The following GALNT10 variants were observed in gnomAD, a reference collection of about 807,000 sequenced individuals.
GALNT10 encodes the protein GalNAc transferase 10.
GALNT10 carries 41 observed loss-of-function variants against 75.0 expected under a neutral mutation model. The observed-to-expected ratio is 0.55, with a 90% CI of 0.43 to 0.71. The LOEUF (loss-of-function observed/expected upper bound fraction) is 0.71, where lower values mean the gene tolerates loss of function less well. Among genes scored for constraint, GALNT10 ranks in the 30% least tolerant of loss-of-function variants. The pLI is 0.00. For synonymous variants in GALNT10, 302 were observed against 313.0 expected, an observed-to-expected ratio of 0.96 and a Z score of 0.37; for missense variants, 727 against 818.5, an observed-to-expected ratio of 0.89 and a Z score of 1.36.
chr5:154,242,878 A>C (rs2113669118), intron 1 of GALNT10, among the ~76,000 whole-genome samples: 1 of 152,294 alleles, frequency 6.6e-6, no homozygotes, highest in Non-Finnish European at 1.5e-5. Context: ...TTGTCTAGTT[A>C]CTGTTTTCAG....
At chr5:154,344,953 A>G (rs1364278158) in intron 4 of GALNT10, among the ~76,000 whole-genome samples, 2 of 152,266 alleles carry the variant, frequency 1.3e-5, no homozygotes, top group East Asian at 3.9e-4. Context: ...TCCCCTCCAA[A>G]AATCAGGCCC....
At chr5:154,319,930 G>A (rs1754649356) in intron 3 of GALNT10, among the ~76,000 whole-genome samples, 1 of 152,212 alleles carries the variant, frequency 6.6e-6, no homozygotes, top group African/African-American at 2.4e-5. Context: ...GTGATCTGCA[G>A]CCTAATAAGA....
At chr5:154,196,123 G>A (rs769420764) in intron 1 of GALNT10, among the ~76,000 whole-genome samples, 3 of 152,050 alleles carry the variant, frequency 2.0e-5, no homozygotes, top group East Asian at 1.9e-4. Context: ...GGGTTTTTCC[G>A]TGTGGGTCAG....
At chr5:154,378,898 A>G (rs2113176024) in intron 5 of GALNT10, among the ~76,000 whole-genome samples, 1 of 152,174 alleles carries the variant, frequency 6.6e-6, no homozygotes, top group Middle Eastern at 3.4e-3. Flanking sequence ...ACGGCCATGA[A>G]CAATTAAATG....
intron 4 of GALNT10, among the ~76,000 whole-genome samples, chr5:154,361,673 A>G (rs1444646678): frequency 6.6e-6 from 1 of 152,268 alleles, no homozygotes; most frequent in Non-Finnish European, 1.5e-5. Flanking sequence ...AAAGAACGTG[A>G]AAGCCTTAAC....
chr5:154,244,170 T>C (rs997770967), intron 1 of GALNT10, among the ~76,000 whole-genome samples: 1 of 152,184 alleles, frequency 6.6e-6, no homozygotes, highest in Non-Finnish European at 1.5e-5. Context: ...CTGCTGGGAA[T>C]GGAGTGACCG....
chr5:154,241,849 A>C (rs1054254282), intron 1 of GALNT10, among the ~76,000 whole-genome samples: 5 of 152,230 alleles, frequency 3.3e-5, no homozygotes, highest in Non-Finnish European at 7.3e-5. Context: ...TTCCTCAGTA[A>C]AAATCCTGAG....
At chr5:154,254,509 T>C (rs2113019056) in intron 1 of GALNT10, among the ~76,000 whole-genome samples, 1 of 151,500 alleles carries the variant, frequency 6.6e-6, no homozygotes, top group Non-Finnish European at 1.5e-5. Flanking sequence ...TTATTTCTTT[T>C]CTTTTTTTTT....
intron 1 of GALNT10, among the ~76,000 whole-genome samples, chr5:154,253,656 C>T (rs999671844): frequency 1.4e-5 from 2 of 147,624 alleles, no homozygotes; most frequent in Admixed American, 6.7e-5. Context: ...CTTGAACTTT[C>T]AGAAGAAGGT....
intron 1 of GALNT10, chr5:154,287,370 C>T (rs1203772008): frequency 1.3e-5 from 2 of 152,222 alleles, no homozygotes; most frequent in Admixed American, 6.5e-5. Flanking sequence ...CTTTCTAACT[C>T]GCATTCTTTC....
chr5:154,395,281 A>G (rs1478501512), intron 7 of GALNT10, among the ~76,000 whole-genome samples: 1 of 152,238 alleles, frequency 6.6e-6, no homozygotes, highest in Non-Finnish European at 1.5e-5. Flanking sequence ...AGGAGGCAGA[A>G]CAGCACAGTA....
At chr5:154,209,856 TA>T (rs1173104647) in intron 1 of GALNT10, among the ~76,000 whole-genome samples, 11 of 152,076 alleles carry the variant, frequency 7.2e-5, no homozygotes, top group African/African-American at 2.7e-4. Context: ...TGTTATTATG[TA>T]ATAGCTCTAG....
intron 1 of GALNT10, among the ~76,000 whole-genome samples, chr5:154,237,583 G>A (rs1356877766): frequency 6.6e-6 from 1 of 152,144 alleles, no homozygotes; most frequent in Non-Finnish European, 1.5e-5. Context: ...CTCCAATTGG[G>A]AAATCCCTGC....
Position 154,376,812 on chromosome 5 carries a change from G to T in GALNT10, c.754+350G>T, listed in dbSNP as rs1032742255. 6.6e-6 allele frequency among the ~76,000 whole-genome samples: 1 copy of T among 152,166 alleles called. No homozygotes were observed. The highest frequency in any genetic ancestry group is 2.4e-5 in the African/African-American group (1 of 41,436). ...TGCTGTTAATAGCCAAACTGTGGGG[G>T]ACATCATCATATCAACTTAGAAGAG... On this transcript the variant is annotated intron_variant, in intron 5 of 11. Coordinates refer to ENST00000297107, the MANE Select transcript of GALNT10 (RefSeq NM_198321.4). This position sits in a 1 kb window ranked among gnomAD's most constrained non-coding sequence, Gnocchi z 4.1.
At chr5:154,333,755 CT>C (rs1250513994) in intron 4 of GALNT10, among the ~76,000 whole-genome samples, 1 of 152,180 alleles carries the variant, frequency 6.6e-6, no homozygotes, top group African/African-American at 2.4e-5. Context: ...CCGAGGCCCC[CT>C]GATCACTGCC....
intron 10 of GALNT10, among the ~76,000 whole-genome samples, chr5:154,413,955 CA>C (rs1756452437): frequency 6.6e-6 from 1 of 151,936 alleles, no homozygotes; most frequent in African/African-American, 2.4e-5. Flanking sequence ...CTCAAACTCT[CA>C]AAAGTCAATA....
intron 1 of GALNT10, among the ~76,000 whole-genome samples, chr5:154,264,645 G>A (rs1264234072): frequency 1.3e-5 from 2 of 152,056 alleles, no homozygotes; most frequent in Non-Finnish European, 2.9e-5. Flanking sequence ...GTTCAAAATT[G>A]TAGGCTAACA....
intron 4 of GALNT10, among the ~76,000 whole-genome samples, chr5:154,344,515 A>C (rs1361782750): frequency 6.6e-6 from 1 of 152,152 alleles, no homozygotes; most frequent in African/African-American, 2.4e-5. Context: ...TGGCCAATAC[A>C]TTTCTAAAAA....
chr5:154,305,574 G>C (rs989250190), intron 3 of GALNT10, among the ~76,000 whole-genome samples: 1 of 152,152 alleles, frequency 6.6e-6, no homozygotes, highest in Admixed American at 6.5e-5. Flanking sequence ...ATTAATATCA[G>C]TCAAAATAGA....
Sources: gnomAD v4.1 joint callset for allele counts (sites outside exome capture counted in the v4.1 genomes callset) on GRCh38, gnomAD v4.1.1 for gene constraint, Gnocchi (gnomAD v3.1) non-coding constraint, MANE v1.5 for transcripts, NCBI Gene and HGNC (gene_info 2026-07-23, HGNC 2026-07-21) for gene names.